RXRG: variants seen among roughly 807,000 people sequenced by gnomAD.
RXRG encodes the protein retinoid X receptor gamma, also known as retinoic acid receptor RXR-gamma.
RXRG carries 19 observed loss-of-function variants against 49.2 expected under a neutral mutation model. The observed-to-expected ratio is 0.39, with a 90% CI of 0.27 to 0.57. The LOEUF (loss-of-function observed/expected upper bound fraction) is 0.57. Ranked by LOEUF, RXRG falls within the 20% of genes least tolerant of loss-of-function variation. The pLI is 0.64. For missense variants in RXRG, 452 were observed against 592.5 expected, an observed-to-expected ratio of 0.76 and a Z score of 2.46; for synonymous variants, 224 against 216.6, an observed-to-expected ratio of 1.03 and a Z score of -0.30.
In RXRG at chr1:165,428,804, C is replaced by T. The variant is rs1279176015; in HGVS notation, c.212G>A (p.Arg71Gln). Residue 71 changes from arginine (R) to glutamine (Q), a missense_variant, in exon 2 of 10, where the codon CGA becomes CAA. By Grantham distance (43) the Arg-to-Gln change is conservative (BLOSUM62 1). This residue lies in a region of RXRG where 166 missense variants were observed against 151.7 expected (regional missense o/e 1.09). Coordinates refer to ENST00000359842, the MANE Select transcript of RXRG (RefSeq NM_006917.5). ...TGGGCCCATGGCAGAGGTGATGACT[C>T]GATATGGAGAGCCCAGGGCATTGAG... ...TPLNALGSPY[R>Q]VITSAMGPPS... 8.1e-6 allele frequency: 13 copies of T among 1,613,848 alleles called. No homozygotes were observed. Among genetic ancestry groups the T allele is most frequent in the South Asian group, 1.1e-5 (1 of 91,068 alleles).
At position 165,428,825 on chromosome 1, in the gene RXRG, T is replaced by C. The variant is rs373070041; in HGVS notation, c.191A>G (p.Asn64Ser). ...RTLSAVGTPLNALGSPYRVIT... is the reference protein window; with the variant it reads ...RTLSAVGTPLSALGSPYRVIT... ...GACTCGATATGGAGAGCCCAGGGCA[T>C]TGAGGGGGGTCCCCACTGCACTCAG... The change falls in exon 2 of 10, where the codon AAT (asparagine) becomes AGT (serine). Residue 64 changes from asparagine to serine, a missense_variant. Physicochemically the swap from Asn to Ser is conservative, Grantham distance 46. Transcript: ENST00000359842. 13 of 1,613,966 alleles carry C rather than the reference T, an allele frequency of 8.1e-6. No homozygotes were observed. The highest frequency in any genetic ancestry group is 1.0e-5 in the Non-Finnish European group (12 of 1,179,990).
chr1:165,437,208 C>G lies in RXRG; in HGVS notation c.49+7637G>C, dbSNP rs753876610. The G allele has an allele frequency of 5.9e-6, 8 of 1,367,418 alleles. No homozygotes were observed. The Admixed American group carries it at 1.3e-4, about 23-fold the overall frequency. The allele number at this position is 1,367,418 out of a possible 1,614,324, so 84.7% of individuals were successfully genotyped here. ...AGAGCAGGGGAAGAACACCCTAGAC[C>G]AAGAAGAATGCCAGTCAGTCAGTCA... On this transcript the variant is annotated intron_variant, in intron 1 of 9. Transcript: ENST00000359842.
At chr1:165,413,620 G>A (rs1273634278) in intron 4 of RXRG, among the ~76,000 whole-genome samples, 1 of 152,154 alleles carries the variant, frequency 6.6e-6, no homozygotes, top group Non-Finnish European at 1.5e-5. Flanking sequence ...TACCAATGCT[G>A]CCCATGAACT....
At chr1:165,431,475 C>T (rs934607885) in intron 1 of RXRG, among the ~76,000 whole-genome samples, 6 of 152,150 alleles carry the variant, frequency 3.9e-5, no homozygotes, top group Middle Eastern at 3.2e-3. Flanking sequence ...GTGAGTTAGG[C>T]GCCAGCCCTG....
intron 3 of RXRG, 67 bp from the exon 4 acceptor site, chr1:165,417,287 A>T (rs1434565845): frequency 7.0e-7 from 1 of 1,429,560 alleles, no homozygotes; most frequent in East Asian, 2.3e-5. Flanking sequence ...ATTCAAAAGA[A>T]CCTCTTGGCT....
intron 2 of RXRG, among the ~76,000 whole-genome samples, chr1:165,422,661 T>C (rs1473328944): frequency 6.6e-6 from 1 of 152,202 alleles, no homozygotes; most frequent in African/African-American, 2.4e-5. Context: ...AGAAGCTGAA[T>C]TGCCTTGCTA....
intron 6 of RXRG, among the ~76,000 whole-genome samples, chr1:165,410,397 C>T (rs146513578): frequency 1.3e-5 from 2 of 152,192 alleles, no homozygotes; most frequent in East Asian, 3.8e-4. Context: ...AATGGGAATA[C>T]CTCTATTTGC....
chr1:165,436,617 G>A (rs1280797611), intron 1 of RXRG, among the ~76,000 whole-genome samples: 1 of 152,136 alleles, frequency 6.6e-6, no homozygotes, highest in Non-Finnish European at 1.5e-5. Flanking sequence ...ACCATTTTCA[G>A]AAAACTACGT....
chr1:165,412,937 T>C (rs1470355374), intron 4 of RXRG, among the ~76,000 whole-genome samples: 1 of 152,246 alleles, frequency 6.6e-6, no homozygotes, highest in Non-Finnish European at 1.5e-5. Flanking sequence ...TCTATTTGTC[T>C]TGACTTTAAA....
intron 4 of RXRG, among the ~76,000 whole-genome samples, chr1:165,413,616 T>C (rs1490626851): frequency 1.3e-5 from 2 of 152,162 alleles, no homozygotes; most frequent in African/African-American, 4.8e-5. Flanking sequence ...AGGATACCAA[T>C]GCTGCCCATG....
chr1:165,411,642 G>C (rs909944314), intron 4 of RXRG, among the ~76,000 whole-genome samples: 2 of 152,194 alleles, frequency 1.3e-5, no homozygotes, highest in Non-Finnish European at 2.9e-5. Context: ...GGAGCCAGCT[G>C]TGGGTATTTA....
chr1:165,417,259 T>C (rs1658155227), intron 3 of RXRG, 39 bp from the exon 4 acceptor site: 1 of 1,546,816 alleles, frequency 6.5e-7, no homozygotes, highest in South Asian at 1.2e-5. Flanking sequence ...ATTGTTCTTG[T>C]GTTTATTTGG....
intron 9 of RXRG, among the ~76,000 whole-genome samples, chr1:165,402,019 A>C (rs1657590617): frequency 6.6e-6 from 1 of 152,152 alleles, no homozygotes; most frequent in African/African-American, 2.4e-5. Flanking sequence ...AGTAGGCGGG[A>C]CTACAGGCAC....
At chr1:165,406,700 T>C (rs1657762625) in intron 9 of RXRG, 112 bp downstream of exon 9, 1 of 789,342 alleles carries the variant, frequency 1.3e-6, no homozygotes, top group South Asian at 1.6e-5. Context: ...GTTATGAAGA[T>C]TAAATAACAT....
At chr1:165,426,069 C>A (rs1658476133) in intron 2 of RXRG, among the ~76,000 whole-genome samples, 1 of 152,210 alleles carries the variant, frequency 6.6e-6, no homozygotes, top group Admixed American at 6.5e-5. Context: ...CTCCCCAAGT[C>A]TTGGTACTTC....
intron 1 of RXRG, among the ~76,000 whole-genome samples, chr1:165,441,733 G>A (rs1009249946): frequency 6.6e-6 from 1 of 152,116 alleles, no homozygotes; most frequent in Admixed American, 6.5e-5. Context: ...TGGATGGGGG[G>A]GATTACAGGC....
chr1:165,425,727 G>T (rs149293690), intron 2 of RXRG, among the ~76,000 whole-genome samples: 16 of 152,302 alleles, frequency 1.1e-4, no homozygotes, highest in African/African-American at 3.4e-4. Context: ...GAGCACTGGG[G>T]TCAAGGAATA....
In RXRG at chr1:165,411,237, T is replaced by A. The variant is rs1356313298; in HGVS notation, c.623-128A>T. 4 of 943,140 alleles carry A rather than the reference T, an allele frequency of 4.2e-6. No individual in the cohort carries two copies. In the East Asian group the frequency reaches 1.0e-4, roughly 24 times the overall value. The allele number at this position is 943,140 out of a possible 1,614,324, so 58.4% of individuals were successfully genotyped here. A position where few individuals can be genotyped will look rare whatever the true frequency, so the allele number is the denominator to read the frequency against. On this transcript the variant is annotated intron_variant, in intron 4 of 9. Coordinates refer to ENST00000359842, the MANE Select transcript of RXRG (RefSeq NM_006917.5). ...AATCATTATGATCCTGAATTGGGGA[T>A]GTTGGAATGTTGACAGATGAAACAA...
intron 3 of RXRG, among the ~76,000 whole-genome samples, chr1:165,417,763 T>C (rs1658172274): frequency 6.6e-6 from 1 of 152,180 alleles, no homozygotes; most frequent in African/African-American, 2.4e-5. Context: ...GTTTGATCTT[T>C]ATATCATCAT....
Sources: gnomAD v4.1 joint callset for allele counts (sites outside exome capture counted in the v4.1 genomes callset) on GRCh38, gnomAD v4.1.1 for gene constraint, gnomAD v4.1.1 regional missense constraint, MANE v1.5 for transcripts, NCBI Gene and HGNC (gene_info 2026-07-23, HGNC 2026-07-21) for gene names.